Variants in USP32 observed in about 807,000 individuals in gnomAD.
USP32 encodes the protein ubiquitin carboxyl-terminal hydrolase 32.
USP32 carries 59 observed loss-of-function variants against 204.8 expected under a neutral mutation model. The observed-to-expected ratio is 0.29, with a 90% CI of 0.23 to 0.36. USP32 has a LOEUF of 0.36. USP32 is among the 10% of genes least tolerant of loss of function. The pLI, the probability that USP32 is intolerant of heterozygous loss-of-function variation, is 1.00. For synonymous variants in USP32, 517 were observed against 678.4 expected, an observed-to-expected ratio of 0.76 and a Z score of 3.70; for missense variants, 1,160 against 1,946.4, an observed-to-expected ratio of 0.60 and a Z score of 7.60.
chr17:60,406,966 AT>A (rs1300410750), intron 1 of USP32, among the ~76,000 whole-genome samples: 1 of 152,212 alleles, frequency 6.6e-6, no homozygotes, highest in Non-Finnish European at 1.5e-5. Context: ...CCCTTCTGCC[AT>A]ACACACCTAG....
intron 2 of USP32, among the ~76,000 whole-genome samples, chr17:60,303,502 A>G (rs1339192113): frequency 6.6e-6 from 1 of 152,090 alleles, no homozygotes; most frequent in South Asian, 2.1e-4. Flanking sequence ...AAACATTAGA[A>G]AAAACCTCTA....
intron 9 of USP32, among the ~76,000 whole-genome samples, chr17:60,262,177 T>C (rs2086469729): frequency 6.6e-6 from 1 of 151,946 alleles, no homozygotes; most frequent in Non-Finnish European, 1.5e-5. Context: ...ATTTATTTTG[T>C]TTTATGTATG....
rs1341517056 is a variant in USP32 at position 60,185,466 on chromosome 17, G to A, written c.3828C>T (p.Pro1276=). The change falls in exon 30 of 34, where the codon CCC becomes CCT. Residue 1276 remains proline (P), a synonymous_variant. Coordinates refer to ENST00000300896, the MANE Select transcript of USP32 (RefSeq NM_032582.4). ...AGGCAGGACTGTAACATACCAGGAT[G>A]GGTGGAAGCCTCCAGAGATCCAGCT... ...TKKLDLWRLP[P]ILIIHLKRFQ... The A allele has an allele frequency of 6.2e-7, 1 of 1,604,372 alleles. No homozygotes were observed. The highest frequency in any genetic ancestry group is 1.7e-5 in the Admixed American group (1 of 59,918).
chr17:60,389,012 G>A (rs2089782300), intron 1 of USP32, among the ~76,000 whole-genome samples: 1 of 152,020 alleles, frequency 6.6e-6, no homozygotes, highest in African/African-American at 2.4e-5. Flanking sequence ...CTGTGTCTAG[G>A]CATTATTTAG....
At chr17:60,365,005 T>A (rs2089285080) in intron 1 of USP32, among the ~76,000 whole-genome samples, 2 of 152,230 alleles carry the variant, frequency 1.3e-5, no homozygotes, top group Non-Finnish European at 2.9e-5. Context: ...TAGTACTATC[T>A]AAACCCATAA....
At chr17:60,280,992 T>G (rs1003697967) in intron 5 of USP32, among the ~76,000 whole-genome samples, 2 of 152,258 alleles carry the variant, frequency 1.3e-5, no homozygotes, top group Admixed American at 6.5e-5. Context: ...CCAGCAGCAA[T>G]TCAGTTGTCT....
Position 60,369,110 on chromosome 17 carries a change from T to G in USP32, c.58+22772A>C, listed in dbSNP as rs976654834. On this transcript the variant is annotated intron_variant, in intron 1 of 33. Transcript: ENST00000300896. Reference sequence around the variant, plus strand: ...CCCGGGTTCACGCCATTCTCCTGCCTCAGCCTCCCAAGTAGCTGGGACTAC... The same window carrying G: ...CCCGGGTTCACGCCATTCTCCTGCCGCAGCCTCCCAAGTAGCTGGGACTAC... 1.5e-5 allele frequency among the ~76,000 whole-genome samples: 2 copies of G among 136,348 alleles called. 1 individual carries two copies. The highest frequency in any genetic ancestry group is 6.7e-5 in the African/African-American group (2 of 29,784). The allele number at this position is 136,348 out of a possible 152,430, so 89.4% of individuals were successfully genotyped here.
upstream of USP32, among the ~76,000 whole-genome samples, chr17:60,394,150 A>C (rs929487656): frequency 3.3e-5 from 5 of 152,174 alleles, no homozygotes; most frequent in African/African-American, 1.2e-4. Context: ...ATACATTTCA[A>C]AGCCTTTAAT....
chr17:60,253,502 A>G (rs1386146253), intron 10 of USP32, among the ~76,000 whole-genome samples: 1 of 152,066 alleles, frequency 6.6e-6, no homozygotes, highest in Non-Finnish European at 1.5e-5. Flanking sequence ...TTGGTGGCTC[A>G]TATCTATAAT....
intron 11 of USP32, among the ~76,000 whole-genome samples, chr17:60,240,665 T>G (rs922545363): frequency 3.3e-5 from 5 of 152,182 alleles, no homozygotes; most frequent in Non-Finnish European, 5.9e-5. Flanking sequence ...TTTACGGGTC[T>G]TATAAGGTCT....
At chr17:60,220,056 A>C (rs1307705057) in intron 15 of USP32, among the ~76,000 whole-genome samples, 1 of 151,858 alleles carries the variant, frequency 6.6e-6, no homozygotes, top group African/African-American at 2.4e-5. Flanking sequence ...GAGGAAAAAA[A>C]AAAACCCTAA....
intron 16 of USP32, among the ~76,000 whole-genome samples, chr17:60,218,308 T>C (rs1194993752): frequency 2.6e-5 from 4 of 151,902 alleles, no homozygotes; most frequent in Admixed American, 6.6e-5. Flanking sequence ...GGTGTGAACC[T>C]GGGAGGCGGA....
Position 60,392,018 on chromosome 17 carries a change from G to A in USP32, c.-79C>T, listed in dbSNP as rs2089847150. On this transcript the variant is annotated 5_prime_UTR_variant, in exon 1 of 34. Transcript: ENST00000300896. ...CTCCCGCCTTCTCCTCGGCGTCCCT[G>A]GGTGACGGTGACGGTGTCGGCGTCC... 2 of 1,481,230 alleles carry A rather than the reference G, an allele frequency of 1.4e-6. No individual in the cohort carries two copies. Among genetic ancestry groups the A allele is most frequent in the South Asian group, 2.5e-5 (2 of 81,416 alleles). 91.8% of individuals were successfully genotyped at this position (1,481,230 alleles called of 1,614,324 possible).
At chr17:60,316,481 C>T (rs541760641) in intron 2 of USP32, among the ~76,000 whole-genome samples, 20 of 152,162 alleles carry the variant, frequency 1.3e-4, no homozygotes, top group African/African-American at 3.4e-4. Context: ...AGCACGTTTC[C>T]GCAGTTCAAC....
chr17:60,359,554 T>C (rs2089158199), intron 1 of USP32, among the ~76,000 whole-genome samples: 1 of 152,148 alleles, frequency 6.6e-6, no homozygotes. Flanking sequence ...CTCAAACCTG[T>C]AATTCCAGAA....
intron 1 of USP32, among the ~76,000 whole-genome samples, chr17:60,399,821 A>G (rs562237438): frequency 2.0e-5 from 3 of 152,354 alleles, no homozygotes; most frequent in Non-Finnish European, 4.4e-5. Context: ...AGGCAAGAGC[A>G]CATCTGCCAG....
At chr17:60,416,359 G>A (rs994710283) in intron 1 of USP32, among the ~76,000 whole-genome samples, 2 of 152,140 alleles carry the variant, frequency 1.3e-5, no homozygotes, top group African/African-American at 4.8e-5. Flanking sequence ...AGGGGATGGA[G>A]GTAAAGCATG....
chr17:60,194,668 C>T (rs1374370857), intron 27 of USP32, among the ~76,000 whole-genome samples: 2 of 152,166 alleles, frequency 1.3e-5, no homozygotes, highest in African/African-American at 4.8e-5. Flanking sequence ...AGTTCCTCCA[C>T]CCCATATGTA....
Position 60,180,586 on chromosome 17 carries a change from G to A in USP32, c.4600C>T (p.Pro1534Ser). 6.2e-7 allele frequency: 1 copy of A among 1,613,678 alleles called. No homozygotes were observed. The highest frequency in any genetic ancestry group is 8.5e-7 in the Non-Finnish European group (1 of 1,179,744). The change falls in exon 33 of 34, where the codon CCA becomes TCA. Residue 1534 changes from proline (P) to serine (S), a missense_variant. Coordinates refer to ENST00000300896, the MANE Select transcript of USP32 (RefSeq NM_032582.4). Reference protein sequence around the residue: ...GGHYVTYAKNPNCKWYCYNDS... With the variant: ...GGHYVTYAKNSNCKWYCYNDS... ...TTGTAACAGTACCACTTGCAGTTTG[G>A]GTTTTTGGCATAAGTGACGTAATGG... is the stretch of plus-strand genomic sequence containing the variant.
Sources: gnomAD v4.1 joint callset for allele counts (sites outside exome capture counted in the v4.1 genomes callset) on GRCh38, gnomAD v4.1.1 for gene constraint, MANE v1.5 for transcripts, NCBI Gene and HGNC (gene_info 2026-07-23, HGNC 2026-07-21) for gene names.